STS: variants seen among roughly 807,000 people sequenced by gnomAD.
The protein encoded by STS is steroid sulfatase, also known as steryl-sulfatase.
Under a neutral mutation model 26.8 loss-of-function variants are expected in STS, and 7 were observed. The ratio of observed to expected loss-of-function variants is 0.26; its 90% CI spans 0.15 to 0.49. STS has a LOEUF of 0.49. STS is among the 20% of genes least tolerant of loss of function. The pLI, the probability that STS is intolerant of heterozygous loss-of-function variation, is 0.98. For synonymous variants in STS, 199 were observed against 189.4 expected, an observed-to-expected ratio of 1.05 and a Z score of -0.42; for missense variants, 434 against 465.6, an observed-to-expected ratio of 0.93 and a Z score of 0.63.
intron 6 of STS, among the ~76,000 whole-genome samples, chrX:7,272,221 T>TATATAC (rs1414535549): frequency 9.6e-6 from 1 of 104,276 alleles, no homozygotes; most frequent in Non-Finnish European, 1.9e-5. Flanking sequence ...TAATTACATA[T>TATATAC]ATATATATAT....
intron 6 of STS, among the ~76,000 whole-genome samples, chrX:7,262,273 G>A (rs1923785427): frequency 8.9e-6 from 1 of 111,860 alleles, no homozygotes; most frequent in Non-Finnish European, 1.9e-5. Context: ...GAGACTCAGG[G>A]ATCCAGGTTG....
chrX:7,255,183 C>T (rs1466530420), intron 3 of STS, among the ~76,000 whole-genome samples: 1 of 111,907 alleles, frequency 8.9e-6, no homozygotes, highest in African/African-American at 3.2e-5. Context: ...TGACTTATGA[C>T]ATTGCTTAAA....
intron 2 of STS, among the ~76,000 whole-genome samples, chrX:7,215,276 T>C (rs1465750908): frequency 9.3e-6 from 1 of 107,844 alleles, no homozygotes; most frequent in Non-Finnish European, 1.9e-5. Context: ...TTTTGTATAA[T>C]GACTTCTTTA....
chrX:7,286,710 C>A (rs973935550), intron 7 of STS, among the ~76,000 whole-genome samples: 4 of 111,515 alleles, frequency 3.6e-5, no homozygotes, highest in Non-Finnish European at 7.5e-5. Context: ...GATTGCCAAA[C>A]GTATTTAATA....
chrX:7,269,902 A>G (rs961893828), intron 6 of STS, among the ~76,000 whole-genome samples: 2 of 111,977 alleles, frequency 1.8e-5, no homozygotes, highest in African/African-American at 6.5e-5. Context: ...GAACAATACT[A>G]CAATAATAAA....
intron 10 of STS, among the ~76,000 whole-genome samples, chrX:7,349,315 CCTTTTTT>C (rs1222105148): frequency 0.34 from 6,749 of 20,095 alleles, 2,094 homozygotes; most frequent in Middle Eastern, 0.45. Context: ...TCATTTAATT[CCTTTTTT>C]TTTTTTTTTT....
intron 2 of STS, among the ~76,000 whole-genome samples, chrX:7,215,053 G>A (rs983784681): frequency 2.6e-4 from 19 of 74,173 alleles, no homozygotes; most frequent in Admixed American, 5.4e-4. Flanking sequence ...ATATATATAC[G>A]TATATATGTA....
At chrX:7,328,743 T>C (rs970565474) in intron 9 of STS, among the ~76,000 whole-genome samples, 2 of 110,916 alleles carry the variant, frequency 1.8e-5, no homozygotes. Context: ...GCATTGTTAA[T>C]AGAGACGGGG....
chrX:7,340,168 C>G (rs1928216785), intron 10 of STS, among the ~76,000 whole-genome samples: 1 of 110,259 alleles, frequency 9.1e-6, no homozygotes, highest in Non-Finnish European at 1.9e-5. Context: ...GGGGTCACTT[C>G]TGATCTTTTC....
intron 8 of STS, among the ~76,000 whole-genome samples, chrX:7,322,673 T>C (rs1254462125): frequency 8.9e-6 from 1 of 112,181 alleles, no homozygotes; most frequent in Non-Finnish European, 1.9e-5. Flanking sequence ...AGTGCTGGGA[T>C]TACAGGTGTG....
chrX:7,185,699 A>G (rs1000146242), intron 1 of STS, among the ~76,000 whole-genome samples: 1 of 112,573 alleles, frequency 8.9e-6, no homozygotes, highest in East Asian at 2.8e-4. Flanking sequence ...GAGGGAGGAC[A>G]CTTCAGAAAC....
intron 1 of STS, among the ~76,000 whole-genome samples, chrX:7,174,769 GCAAA>G (rs1194746684): frequency 1.8e-5 from 2 of 111,546 alleles, no homozygotes; most frequent in Non-Finnish European, 3.8e-5. Context: ...GAACAAACAA[GCAAA>G]CAAACTGACA....
In STS at chrX:7,214,983, T is replaced by TACGTATATATAC. The variant is rs1177255471; in HGVS notation, c.-5+23976_-5+23977insCGTATATATACA. 4.3e-3 allele frequency among the ~76,000 whole-genome samples: 356 copies of TACGTATATATAC among 82,230 alleles called. 16 individuals carry two copies. The highest frequency in any genetic ancestry group is 6.8e-3 in the Non-Finnish European group (301 of 44,423). 71.4% of individuals were successfully genotyped at this position (82,230 alleles called of 115,157 possible). ...TATATATTATATATGTATATATACA[T>TACGTATATATAC]ATATATACGTATATATACATATATA... On this transcript the variant is annotated intron_variant, in intron 2 of 10. Transcript: ENST00000674429.
intron 2 of STS, among the ~76,000 whole-genome samples, chrX:7,245,381 T>C (rs370959886): frequency 2.7e-5 from 3 of 112,212 alleles, no homozygotes; most frequent in Non-Finnish European, 5.6e-5. Flanking sequence ...TGAACTGGCA[T>C]GAGGGCCTTT....
At chrX:7,321,882 C>A (rs1323951933) in intron 8 of STS, among the ~76,000 whole-genome samples, 1 of 111,805 alleles carries the variant, frequency 8.9e-6, no homozygotes, top group African/African-American at 3.3e-5. Context: ...TTTATTCCCC[C>A]AGCGATGGGT....
intron 2 of STS, among the ~76,000 whole-genome samples, chrX:7,211,091 T>C (rs1186107019): frequency 8.9e-6 from 1 of 111,992 alleles, no homozygotes; most frequent in African/African-American, 3.2e-5. Flanking sequence ...AGGAAAGATC[T>C]CTGGAACTCT....
intron 1 of STS, among the ~76,000 whole-genome samples, chrX:7,180,760 G>A (rs1434880938): frequency 8.9e-6 from 1 of 112,431 alleles, no homozygotes; most frequent in Non-Finnish European, 1.9e-5. Context: ...TCAGCTGAGA[G>A]AGCTGATAAG....
intron 6 of STS, among the ~76,000 whole-genome samples, chrX:7,265,316 T>C (rs1395807636): frequency 8.9e-6 from 1 of 112,120 alleles, no homozygotes. Flanking sequence ...TAATACAGCG[T>C]CCATTATACA....
intron 7 of STS, among the ~76,000 whole-genome samples, chrX:7,288,115 A>T (rs1925224883): frequency 9.5e-6 from 1 of 105,438 alleles, no homozygotes; most frequent in Non-Finnish European, 1.9e-5. Flanking sequence ...TGATAAGAAC[A>T]TTAATATTTT....
Sources: allele counts gnomAD v4.1 joint callset (sites outside exome capture counted in the v4.1 genomes callset), GRCh38; gene constraint gnomAD v4.1.1; transcripts MANE v1.5; gene names NCBI Gene and HGNC (gene_info 2026-07-23, HGNC 2026-07-21).